Variants in HS3ST4 observed in about 807,000 individuals in gnomAD.
HS3ST4 encodes the protein heparan sulfate-glucosamine 3-sulfotransferase 4.
A neutral mutation model predicts 29.2 loss-of-function variants in HS3ST4; 17 were observed. The observed-to-expected ratio is 0.58, with a 90% CI of 0.40 to 0.87. HS3ST4 has a LOEUF of 0.87. Among genes scored for constraint, HS3ST4 ranks in the 40% least tolerant of loss-of-function variants. The pLI is 0.00. For missense variants in HS3ST4, 627 were observed against 634.5 expected, an observed-to-expected ratio of 0.99 and a Z score of 0.13; for synonymous variants, 314 against 285.7, an observed-to-expected ratio of 1.10 and a Z score of -1.00.
intron 1 of HS3ST4, among the ~76,000 whole-genome samples, chr16:25,728,539 T>A (rs1047153399): frequency 6.6e-6 from 1 of 152,032 alleles, no homozygotes; most frequent in African/African-American, 2.4e-5. Context: ...CTGATAACCG[T>A]TTATGATGAT....
chr16:25,735,638 G>C (rs1292616473), intron 1 of HS3ST4, among the ~76,000 whole-genome samples: 1 of 152,144 alleles, frequency 6.6e-6, no homozygotes, highest in Non-Finnish European at 1.5e-5. Context: ...CAGTCCTCCT[G>C]CCGTGGCCTC....
chr16:26,111,379 C>A (rs1899126983), intron 1 of HS3ST4, among the ~76,000 whole-genome samples: 2 of 146,150 alleles, frequency 1.4e-5, no homozygotes, highest in African/African-American at 5.1e-5. Flanking sequence ...CTGTTCCTGG[C>A]CAGAAGGAGG....
chr16:26,021,640 C>T (rs1969414715), intron 1 of HS3ST4, among the ~76,000 whole-genome samples: 1 of 151,984 alleles, frequency 6.6e-6, no homozygotes, highest in South Asian at 2.1e-4. Context: ...AACCTCTAAG[C>T]ACTTCCAATC....
At chr16:25,948,198 C>G (rs1567278960) in intron 1 of HS3ST4, among the ~76,000 whole-genome samples, 1 of 152,152 alleles carries the variant, frequency 6.6e-6, no homozygotes, top group Non-Finnish European at 1.5e-5. Flanking sequence ...GCAACAGCTA[C>G]TGACCTGATT....
At chr16:25,887,247 A>C (rs545489379) in intron 1 of HS3ST4, among the ~76,000 whole-genome samples, 1 of 152,268 alleles carries the variant, frequency 6.6e-6, no homozygotes, top group South Asian at 2.1e-4. Flanking sequence ...AGGCAAGGCT[A>C]TATCATTTAT....
At chr16:25,777,845 T>C (rs1966849062) in intron 1 of HS3ST4, among the ~76,000 whole-genome samples, 1 of 151,900 alleles carries the variant, frequency 6.6e-6, no homozygotes, top group Admixed American at 6.6e-5. Flanking sequence ...AGACCTCCAA[T>C]ATGCCAATAT....
intron 1 of HS3ST4, among the ~76,000 whole-genome samples, chr16:25,866,300 T>C (rs576785346): frequency 6.6e-6 from 1 of 152,274 alleles, no homozygotes; most frequent in South Asian, 2.1e-4. Context: ...ACAGATCTGA[T>C]TGAAGGATTA....
chr16:25,981,346 A>G (rs1366167881), intron 1 of HS3ST4, among the ~76,000 whole-genome samples: 2 of 152,168 alleles, frequency 1.3e-5, no homozygotes, highest in East Asian at 1.9e-4. Context: ...TAAAAAAAAA[A>G]AAGAAGGTAG....
At chr16:25,794,782 C>G (rs530968464) in intron 1 of HS3ST4, among the ~76,000 whole-genome samples, 2 of 151,782 alleles carry the variant, frequency 1.3e-5, no homozygotes, top group African/African-American at 4.8e-5. Flanking sequence ...CCTTGATATT[C>G]ACCAGTGTTA....
rs116462369 is a variant in HS3ST4 at position 26,066,328 on chromosome 16, A to G, written c.735-69284A>G. ...CTTGGCCGAAAGTTTTTAAAAAGGA[A>G]TTTGTAAAGAGGTGGGAGGAACGGT... On this transcript the variant is annotated intron_variant, in intron 1 of 1. Transcript: ENST00000331351. Among the ~76,000 whole-genome samples, 882 of 152,316 alleles carry G rather than the reference A, an allele frequency of 5.8e-3. 7 individuals are homozygous for G. Among genetic ancestry groups the G allele is most frequent in the African/African-American group, 0.021 (858 of 41,574 alleles).
At chr16:25,926,571 T>G (rs1968405157) in intron 1 of HS3ST4, among the ~76,000 whole-genome samples, 1 of 152,234 alleles carries the variant, frequency 6.6e-6, no homozygotes, top group Non-Finnish European at 1.5e-5. Flanking sequence ...GAGCATTTAC[T>G]ATGTGCCAGA....
At chr16:26,041,743 G>C (rs1185208571) in intron 1 of HS3ST4, among the ~76,000 whole-genome samples, 1 of 152,162 alleles carries the variant, frequency 6.6e-6, no homozygotes, top group Non-Finnish European at 1.5e-5. Flanking sequence ...GCCACATTGG[G>C]CCCATGGACT....
chr16:25,928,339 T>C (rs1289736403), intron 1 of HS3ST4, among the ~76,000 whole-genome samples: 1 of 151,858 alleles, frequency 6.6e-6, no homozygotes, highest in Non-Finnish European at 1.5e-5. Flanking sequence ...CACTCCAGCC[T>C]GGGCAACAGA....
At chr16:26,114,264 C>T (rs1405282916) in intron 1 of HS3ST4, among the ~76,000 whole-genome samples, 1 of 152,122 alleles carries the variant, frequency 6.6e-6, no homozygotes, top group Non-Finnish European at 1.5e-5. Flanking sequence ...GCCAGCAGAC[C>T]CTTCCTTATG....
chr16:25,880,201 A>G (rs572158318), intron 1 of HS3ST4, among the ~76,000 whole-genome samples: 1 of 152,260 alleles, frequency 6.6e-6, no homozygotes, highest in South Asian at 2.1e-4. Flanking sequence ...ATTAGTCAGT[A>G]GGTTGTTCGT....
intron 1 of HS3ST4, among the ~76,000 whole-genome samples, chr16:25,892,577 G>T (rs527284392): frequency 6.6e-6 from 1 of 152,246 alleles, no homozygotes; most frequent in South Asian, 2.1e-4. Context: ...TCCACTGCCT[G>T]GTATCCGTCT....
intron 1 of HS3ST4, among the ~76,000 whole-genome samples, chr16:25,801,742 T>C (rs1474409729): frequency 3.3e-5 from 5 of 152,182 alleles, no homozygotes; most frequent in Admixed American, 6.5e-5. Context: ...ATTCTAATCG[T>C]TTTATAAAGG....
intron 1 of HS3ST4, among the ~76,000 whole-genome samples, chr16:25,712,803 G>A (rs1039575470): frequency 1.3e-5 from 2 of 152,200 alleles, no homozygotes; most frequent in African/African-American, 4.8e-5. Flanking sequence ...ATAGGCTGCT[G>A]TAACAGAACA....
At chr16:25,950,554 G>C (rs539136064) in intron 1 of HS3ST4, among the ~76,000 whole-genome samples, 2 of 152,028 alleles carry the variant, frequency 1.3e-5, no homozygotes, top group African/African-American at 4.8e-5. Flanking sequence ...ATGCCATACA[G>C]ATCCAACTAT....
Sources: gnomAD v4.1 joint callset for allele counts (sites outside exome capture counted in the v4.1 genomes callset) on GRCh38, gnomAD v4.1.1 for gene constraint, MANE v1.5 for transcripts, NCBI Gene and HGNC (gene_info 2026-07-23, HGNC 2026-07-21) for gene names.